The following MCTP2 variants were observed in gnomAD, a reference collection of about 807,000 sequenced individuals.
MCTP2 encodes multiple C2 and transmembrane domain containing 2.
In MCTP2, 132 loss-of-function variants were observed where a neutral mutation model predicts 111.6. The observed-to-expected ratio is 1.18, with a 90% confidence interval of 1.03 to 1.37. The LOEUF (loss-of-function observed/expected upper bound fraction) is 1.37, where lower values mean the gene tolerates loss of function less well. MCTP2 is among the 40% of genes most tolerant of loss of function. MCTP2 has a pLI of 0.00. For missense variants in MCTP2, 1,183 were observed against 1,067.9 expected (o/e 1.11, Z -1.50); for synonymous variants, 395 against 387.7 (o/e 1.02, Z -0.22).
chr15:94,449,551 T>A (rs1441970648), intron 19 of MCTP2, among the ~76,000 whole-genome samples: 1 of 152,218 alleles, frequency 6.6e-6, no homozygotes, highest in Non-Finnish European at 1.5e-5. Context: ...AAAGCCTCTA[T>A]GAATACAAAA....
At chr15:94,311,183 C>T (rs891840735) in intron 2 of MCTP2, among the ~76,000 whole-genome samples, 10 of 151,818 alleles carry the variant, frequency 6.6e-5, no homozygotes, top group African/African-American at 2.2e-4. Flanking sequence ...CGCCACCACA[C>T]CCGGCTAATT....
intron 17 of MCTP2, among the ~76,000 whole-genome samples, chr15:94,416,358 A>C (rs2082379622): frequency 6.6e-6 from 1 of 151,960 alleles, no homozygotes; most frequent in African/African-American, 2.4e-5. Context: ...CTGTCAGTGT[A>C]TTCATTATAT....
chr15:94,290,019 G>A (rs1017929688), intron 1 of MCTP2, among the ~76,000 whole-genome samples: 8 of 152,070 alleles, frequency 5.3e-5, no homozygotes, highest in African/African-American at 1.7e-4. Context: ...CAGGGAATGT[G>A]GGCGGCCTCT....
chr15:94,249,957 G>T (rs766343691), intron 1 of MCTP2, among the ~76,000 whole-genome samples: 1 of 151,364 alleles, frequency 6.6e-6, no homozygotes, highest in Admixed American at 6.6e-5. Flanking sequence ...TTTTACATTC[G>T]CTTATTACAA....
chr15:94,372,486 G>C (rs1000848194), intron 12 of MCTP2, among the ~76,000 whole-genome samples: 9 of 152,168 alleles, frequency 5.9e-5, no homozygotes, highest in Admixed American at 5.9e-4. Flanking sequence ...ATTACCGTGA[G>C]GTAGCAATGA....
chr15:94,410,402 A>G (rs989951074), intron 17 of MCTP2, among the ~76,000 whole-genome samples: 2 of 152,160 alleles, frequency 1.3e-5, no homozygotes, highest in Admixed American at 6.5e-5. Context: ...CCTCAAGGCT[A>G]TGATGATACT....
chr15:94,325,811 G>GTTTTTTTTTT (rs1567428361), intron 4 of MCTP2, among the ~76,000 whole-genome samples: 3 of 89,268 alleles, frequency 3.4e-5, no homozygotes, highest in African/African-American at 1.8e-4. Context: ...CCATCGCTCC[G>GTTTTTTTTTT]ATTTTTTTTT....
intron 1 of MCTP2, among the ~76,000 whole-genome samples, chr15:94,244,280 A>G (rs1596150196): frequency 6.7e-6 from 1 of 148,688 alleles, no homozygotes; most frequent in East Asian, 2.0e-4. Flanking sequence ...ACACACATAT[A>G]TACACATACA....
At chr15:94,294,016 G>C (rs2075145794) in intron 1 of MCTP2, among the ~76,000 whole-genome samples, 1 of 152,136 alleles carries the variant, frequency 6.6e-6, no homozygotes, top group African/African-American at 2.4e-5. Flanking sequence ...CCACACAATA[G>C]ACTACTACTG....
intron 1 of MCTP2, among the ~76,000 whole-genome samples, chr15:94,283,407 AC>A (rs1162730059): frequency 3.9e-5 from 6 of 151,960 alleles, no homozygotes; most frequent in Admixed American, 3.9e-4. Flanking sequence ...TCCCATGCCA[AC>A]CCCCCTTGGC....
intron 1 of MCTP2, among the ~76,000 whole-genome samples, chr15:94,291,921 A>G (rs189864134): frequency 6.6e-6 from 1 of 152,356 alleles, no homozygotes; most frequent in African/African-American, 2.4e-5. Context: ...GTCATCGCCA[A>G]TATGTAAACA....
At chr15:94,282,445 G>A (rs879366049) in intron 1 of MCTP2, among the ~76,000 whole-genome samples, 14 of 152,204 alleles carry the variant, frequency 9.2e-5, no homozygotes, top group East Asian at 1.9e-4. Context: ...CTCCTGGGCC[G>A]TTTTACTGTT....
intron 20 of MCTP2, among the ~76,000 whole-genome samples, chr15:94,469,189 A>AG (rs2073691307): frequency 3.3e-5 from 5 of 152,104 alleles, no homozygotes; most frequent in Admixed American, 3.3e-4. Flanking sequence ...CTGTATTCCT[A>AG]GCACAAGGCA....
intron 1 of MCTP2, among the ~76,000 whole-genome samples, chr15:94,292,550 C>T (rs1237682391): frequency 6.6e-6 from 1 of 152,050 alleles, no homozygotes; most frequent in Non-Finnish European, 1.5e-5. Context: ...ACAAATCAAC[C>T]TAATAAAACA....
intron 1 of MCTP2, among the ~76,000 whole-genome samples, chr15:94,245,477 T>C (rs1166024472): frequency 2.1e-5 from 3 of 140,576 alleles, no homozygotes; most frequent in Admixed American, 7.3e-5. Context: ...CATATATGTA[T>C]ATATACATAC....
intron 1 of MCTP2, among the ~76,000 whole-genome samples, chr15:94,237,985 G>A (rs539435791): frequency 6.6e-6 from 1 of 152,094 alleles, no homozygotes; most frequent in Non-Finnish European, 1.5e-5. Flanking sequence ...CGCACTTTGA[G>A]TTGTCACGCC....
chr15:94,334,112 T>A (rs2077248849), intron 4 of MCTP2, among the ~76,000 whole-genome samples: 1 of 152,190 alleles, frequency 6.6e-6, no homozygotes, highest in Non-Finnish European at 1.5e-5. Context: ...ACTTCAGTAG[T>A]GATACTAAAC....
intron 1 of MCTP2, among the ~76,000 whole-genome samples, chr15:94,283,003 G>A (rs988677176): frequency 7.2e-5 from 11 of 152,046 alleles, no homozygotes; most frequent in African/African-American, 2.2e-4. Flanking sequence ...GTGGTGTGTC[G>A]TTATATGTGT....
intron 1 of MCTP2, among the ~76,000 whole-genome samples, chr15:94,250,348 T>C (rs2072322790): frequency 6.6e-6 from 1 of 152,236 alleles, no homozygotes; most frequent in Non-Finnish European, 1.5e-5. Flanking sequence ...GTTGTCACCT[T>C]GTGCAAACTG....
Sources: gnomAD v4.1 joint callset for allele counts (sites outside exome capture counted in the v4.1 genomes callset) on GRCh38, gnomAD v4.1.1 for gene constraint, MANE v1.5 for transcripts, NCBI Gene and HGNC (gene_info 2026-07-23, HGNC 2026-07-21) for gene names.